NELL1: variants seen among roughly 807,000 people sequenced by gnomAD.
The protein encoded by NELL1 is protein kinase C-binding protein NELL1.
Under a neutral mutation model 107.4 loss-of-function variants are expected in NELL1, and 76 were observed. The observed-to-expected ratio is 0.71, with a 90% CI of 0.59 to 0.86. NELL1 has a LOEUF of 0.86. NELL1 is among the 40% of genes least tolerant of loss of function. NELL1 has a pLI of 0.00. For synonymous variants in NELL1, 353 were observed against 341.2 expected (o/e 1.03, Z -0.38); for missense variants, 1,024 against 1,005.5 (o/e 1.02, Z -0.25).
chr11:20,929,800 C>T (rs80067012), intron 9 of NELL1, among the ~76,000 whole-genome samples: 4,898 of 151,954 alleles, frequency 0.032, 212 homozygotes, highest in East Asian at 0.16. Context: ...GGCGAAATCC[C>T]GTCTCTACTA....
At chr11:21,444,531 G>A (rs1398036133) in intron 15 of NELL1, among the ~76,000 whole-genome samples, 1 of 152,002 alleles carries the variant, frequency 6.6e-6, no homozygotes, top group Non-Finnish European at 1.5e-5. Flanking sequence ...ATTGAAATTA[G>A]ATTAGAAATT....
intron 12 of NELL1, among the ~76,000 whole-genome samples, chr11:21,004,770 A>G (rs1852294471): frequency 6.6e-6 from 1 of 152,138 alleles, no homozygotes; most frequent in Non-Finnish European, 1.5e-5. Flanking sequence ...GTGGCAGCAT[A>G]TAGTATATTA....
At chr11:21,233,817 C>T (rs1485627802) in intron 14 of NELL1, among the ~76,000 whole-genome samples, 2 of 152,192 alleles carry the variant, frequency 1.3e-5, no homozygotes, top group Non-Finnish European at 2.9e-5. Flanking sequence ...TATGTCTTCT[C>T]TCTTATCTGT....
chr11:20,891,543 C>A (rs558302575), intron 5 of NELL1, among the ~76,000 whole-genome samples: 2 of 152,138 alleles, frequency 1.3e-5, no homozygotes, highest in African/African-American at 4.8e-5. Context: ...GGGCTAAGTG[C>A]CCCAATTAAA....
rs201011404 is a variant in NELL1, at chr11:21,575,044, G to A, written c.*22G>A. The A allele has an allele frequency of 1.3e-4, 206 of 1,590,730 alleles. No individual in the cohort carries two copies. The highest frequency in any genetic ancestry group is 1.7e-4 in the Non-Finnish European group (192 of 1,160,004). ...TTGAAGTATTTACAGTGGACTCAACGCAGAAGAATGGACGAAATGACCATC... is the reference window on the plus strand; with the variant it reads ...TTGAAGTATTTACAGTGGACTCAACACAGAAGAATGGACGAAATGACCATC... On this transcript the variant is annotated 3_prime_UTR_variant, in exon 20 of 20. Transcript: ENST00000357134.
At chr11:20,827,772 G>A (rs1857916247) in intron 3 of NELL1, among the ~76,000 whole-genome samples, 1 of 151,180 alleles carries the variant, frequency 6.6e-6, no homozygotes, top group South Asian at 2.1e-4. Flanking sequence ...AAGTAAATTG[G>A]TTATGATTTT....
intron 14 of NELL1, among the ~76,000 whole-genome samples, chr11:21,327,438 C>G (rs1385852797): frequency 1.3e-5 from 2 of 152,130 alleles, no homozygotes; most frequent in East Asian, 3.9e-4. Context: ...GTGTTTCCTT[C>G]CCCTTCCACC....
intron 2 of NELL1, among the ~76,000 whole-genome samples, chr11:20,730,019 A>T (rs908940): frequency 1.3e-5 from 2 of 152,080 alleles, no homozygotes; most frequent in African/African-American, 2.4e-5. Flanking sequence ...ATTTCCAAGG[A>T]GGACACTTGG....
chr11:21,203,995 G>A (rs537625034), intron 13 of NELL1, among the ~76,000 whole-genome samples: 187 of 152,270 alleles, frequency 1.2e-3, no homozygotes, highest in African/African-American at 4.4e-3. Flanking sequence ...AGTCTGATGG[G>A]CTTCCCTTTG....
At chr11:20,747,915 C>T (rs1856040013) in intron 2 of NELL1, among the ~76,000 whole-genome samples, 1 of 152,164 alleles carries the variant, frequency 6.6e-6, no homozygotes, top group Admixed American at 6.5e-5. Context: ...TGTCTGTTGG[C>T]ATCACTGAAT....
At chr11:21,404,956 T>C (rs1368998383) in intron 15 of NELL1, among the ~76,000 whole-genome samples, 2 of 152,032 alleles carry the variant, frequency 1.3e-5, no homozygotes. Flanking sequence ...GATTACCTAT[T>C]CTAGGTCCTC....
At chr11:20,860,209 C>G (rs1393526508) in intron 4 of NELL1, among the ~76,000 whole-genome samples, 1 of 152,174 alleles carries the variant, frequency 6.6e-6, no homozygotes, top group Non-Finnish European at 1.5e-5. Context: ...GTGTTTTACA[C>G]TTTTACCATA....
chr11:21,544,147 C>T (rs1285082115), intron 16 of NELL1, among the ~76,000 whole-genome samples: 2 of 151,938 alleles, frequency 1.3e-5, no homozygotes, highest in Admixed American at 6.6e-5. Flanking sequence ...AATTCTAGTT[C>T]AGGTGAAGTT....
At chr11:21,460,192 A>G (rs1218080552) in intron 15 of NELL1, among the ~76,000 whole-genome samples, 1 of 151,172 alleles carries the variant, frequency 6.6e-6, no homozygotes, top group Non-Finnish European at 1.5e-5. Flanking sequence ...CATGATGGGA[A>G]AATGCACAGA....
intron 2 of NELL1, among the ~76,000 whole-genome samples, chr11:20,687,643 G>A (rs901448223): frequency 1.3e-5 from 2 of 151,096 alleles, no homozygotes; most frequent in African/African-American, 4.9e-5. Context: ...CCAAGTTGTA[G>A]TGCAGTGGCA....
chr11:21,359,634 T>A (rs978997119), intron 14 of NELL1, among the ~76,000 whole-genome samples: 1 of 152,154 alleles, frequency 6.6e-6, no homozygotes, highest in Non-Finnish European at 1.5e-5. Context: ...GGTCCTGGAC[T>A]TTTTTTGTTG....
intron 15 of NELL1, among the ~76,000 whole-genome samples, chr11:21,470,133 G>A (rs1283332719): frequency 6.6e-6 from 1 of 151,966 alleles, no homozygotes; most frequent in Admixed American, 6.6e-5. Flanking sequence ...CGAGGTGTAG[G>A]TATTCTCAAA....
chr11:20,832,462 T>C (rs1379425452), intron 3 of NELL1, among the ~76,000 whole-genome samples: 2 of 152,216 alleles, frequency 1.3e-5, no homozygotes, highest in Non-Finnish European at 2.9e-5. Context: ...ATCATATCTG[T>C]TTTTGTTCAT....
At chr11:21,508,950 C>T (rs1458951949) in intron 15 of NELL1, among the ~76,000 whole-genome samples, 1 of 151,842 alleles carries the variant, frequency 6.6e-6, no homozygotes, top group Non-Finnish European at 1.5e-5. Context: ...ACCTTATGTC[C>T]CTCAAAGAAA....
Sources: allele counts gnomAD v4.1 joint callset (sites outside exome capture counted in the v4.1 genomes callset), GRCh38; gene constraint gnomAD v4.1.1; transcripts MANE v1.5; gene names NCBI Gene and HGNC (gene_info 2026-07-23, HGNC 2026-07-21).